PREX2: variants seen among roughly 807,000 people sequenced by gnomAD.
PREX2 encodes the protein phosphatidylinositol 3,4,5-trisphosphate-dependent Rac exchanger 2 protein.
A neutral mutation model predicts 203.2 loss-of-function variants in PREX2; 107 were observed. The observed-to-expected ratio is 0.53, with a 90% confidence interval of 0.45 to 0.62. The LOEUF (loss-of-function observed/expected upper bound fraction) is 0.62, where lower values mean the gene tolerates loss of function less well. Ranked by LOEUF, PREX2 falls within the 20% of genes least tolerant of loss-of-function variation. The pLI is 0.00. For synonymous variants in PREX2, 672 were observed against 663.6 expected (o/e 1.01, Z -0.19); for missense variants, 1,777 against 1,955.9 (o/e 0.91, Z 1.72).
intron 35 of PREX2, among the ~76,000 whole-genome samples, chr8:68,159,533 C>T (rs1811611805): frequency 1.3e-5 from 2 of 152,182 alleles, no homozygotes; most frequent in South Asian, 4.1e-4. Flanking sequence ...GAACTCTGCT[C>T]TTCTTGAGAT....
chr8:67,976,658 CGGG>C (rs1428669913), intron 1 of PREX2, among the ~76,000 whole-genome samples: 6,747 of 44,856 alleles, frequency 0.15, 925 homozygotes, highest in East Asian at 0.39. Flanking sequence ...GAGAGAGAGA[CGGG>C]AGAGAGACAG....
At chr8:68,176,976 A>G (rs1811992633) in intron 35 of PREX2, 1 of 152,442 alleles carries the variant, frequency 6.6e-6, no homozygotes, top group Non-Finnish European at 1.5e-5. Context: ...TAAAAAAAAA[A>G]AAACTATCCA....
chr8:68,176,441 A>G (rs1249973584), intron 35 of PREX2, among the ~76,000 whole-genome samples: 2 of 152,194 alleles, frequency 1.3e-5, no homozygotes, highest in African/African-American at 4.8e-5. Flanking sequence ...AATTTGCTGC[A>G]TTAATATACT....
intron 26 of PREX2, among the ~76,000 whole-genome samples, chr8:68,116,378 C>G (rs1810659852): frequency 6.6e-6 from 1 of 152,110 alleles, no homozygotes; most frequent in African/African-American, 2.4e-5. Flanking sequence ...TCCTTGCCTA[C>G]CTCGGAGACA....
At chr8:68,010,314 CT>C (rs897686031) in intron 1 of PREX2, among the ~76,000 whole-genome samples, 1 of 152,128 alleles carries the variant, frequency 6.6e-6, no homozygotes, top group African/African-American at 2.4e-5. Context: ...AATTATAATA[CT>C]TGTTCTGATA....
At chr8:68,096,873 C>T in intron 21 of PREX2, 144 bp from the exon 22 acceptor site, 1 of 674,566 alleles carries the variant, frequency 1.5e-6, no homozygotes, top group Admixed American at 2.9e-5. Context: ...AAAATGTTAA[C>T]AAGAATAGAT....
At chr8:68,099,246 C>G (rs1810186558) in intron 22 of PREX2, among the ~76,000 whole-genome samples, 1 of 151,920 alleles carries the variant, frequency 6.6e-6, no homozygotes, top group Non-Finnish European at 1.5e-5. Flanking sequence ...TTGCCAGACT[C>G]TAAGAAACAA....
intron 37 of PREX2, among the ~76,000 whole-genome samples, chr8:68,209,565 T>G (rs1217267422): frequency 6.6e-6 from 1 of 152,174 alleles, no homozygotes; most frequent in Non-Finnish European, 1.5e-5. Context: ...AATTGAATCC[T>G]TCTTGTTTCC....
At position 68,075,579 on chromosome 8, in the gene PREX2, A is replaced by G. The variant is rs1809324526; in HGVS notation, c.1570-1818A>G. Among the ~76,000 whole-genome samples, 5 of 152,186 alleles carry G rather than the reference A, an allele frequency of 3.3e-5. No homozygotes were observed. The South Asian group carries it at 1.0e-3, about 32-fold the overall frequency. ...ATTGGGAATATGGATTAAATTGGTT[A>G]TTGGTAAAGTACTTACCTTTTAATG... On this transcript the variant is annotated intron_variant, in intron 14 of 39. Coordinates refer to ENST00000288368, the MANE Select transcript of PREX2 (RefSeq NM_024870.4).
At chr8:68,207,553 A>G (rs748800276) in intron 37 of PREX2, among the ~76,000 whole-genome samples, 4 of 151,562 alleles carry the variant, frequency 2.6e-5, no homozygotes, top group Non-Finnish European at 5.9e-5. Flanking sequence ...CAATATAGAC[A>G]CCAGTACAGC....
At chr8:68,070,603 A>T (rs1809166859) in intron 13 of PREX2, among the ~76,000 whole-genome samples, 1 of 152,144 alleles carries the variant, frequency 6.6e-6, no homozygotes. Context: ...AAATGGTCAG[A>T]TATTATTTGG....
At chr8:68,018,096 G>C (rs1405104892) in intron 2 of PREX2, among the ~76,000 whole-genome samples, 179 bp downstream of exon 2, 2 of 152,044 alleles carry the variant, frequency 1.3e-5, no homozygotes, top group East Asian at 3.9e-4. Context: ...AAAAGAGATG[G>C]AAGATTAAGA....
At chr8:68,221,904 A>G (rs967144502) in intron 38 of PREX2, among the ~76,000 whole-genome samples, 1 of 152,230 alleles carries the variant, frequency 6.6e-6, no homozygotes, top group Non-Finnish European at 1.5e-5. Flanking sequence ...TGGGAATTCT[A>G]AAACTAATTT....
At chr8:68,230,560 T>C (rs933675677) in intron 39 of PREX2, among the ~76,000 whole-genome samples, 2 of 152,148 alleles carry the variant, frequency 1.3e-5, no homozygotes, top group African/African-American at 4.8e-5. Flanking sequence ...TTTACTTTGG[T>C]TCTGCTGTTA....
At chr8:68,198,397 C>A (rs1451472658) in intron 37 of PREX2, among the ~76,000 whole-genome samples, 1 of 152,158 alleles carries the variant, frequency 6.6e-6, no homozygotes, top group Non-Finnish European at 1.5e-5. Flanking sequence ...TGAGTCAGCA[C>A]TGTGGCTTTT....
rs777063924 is a variant in PREX2 at position 68,121,005 on chromosome 8, G to A, written c.3680G>A (p.Ser1227Asn). ...HIKQDPWNLP[S>N]SVRTLAQNIR... ...AAGCAAGATCCTTGGAATCTTCCCA[G>A]CAGCGTCCGGACTCTTGCTCAGAAC... Residue 1227 changes from serine (S) to asparagine (N), a missense_variant, in exon 30 of 40, where the codon AGC (serine) becomes AAC (asparagine). Transcript: ENST00000288368. 6.2e-7 allele frequency: 1 copy of A among 1,613,784 alleles called. No homozygotes were observed. Among genetic ancestry groups the A allele is most frequent in the Non-Finnish European group, 8.5e-7 (1 of 1,179,770 alleles).
intron 19 of PREX2, among the ~76,000 whole-genome samples, chr8:68,089,798 G>A (rs1172399518): frequency 1.3e-5 from 2 of 152,134 alleles, no homozygotes; most frequent in African/African-American, 4.8e-5. Context: ...ATATTTACAA[G>A]TTTATAATCA....
At chr8:68,177,871 C>T (rs1377477687) in intron 35 of PREX2, among the ~76,000 whole-genome samples, 4 of 152,114 alleles carry the variant, frequency 2.6e-5, no homozygotes, top group African/African-American at 7.2e-5. Flanking sequence ...CTTCCACTTA[C>T]AAGTGAGAAC....
intron 1 of PREX2, among the ~76,000 whole-genome samples, chr8:68,008,553 G>C (rs1345664081): frequency 6.6e-6 from 1 of 152,014 alleles, no homozygotes; most frequent in Non-Finnish European, 1.5e-5. Flanking sequence ...TTAAAGAAAA[G>C]GTAAAGTAAG....
Sources: gnomAD v4.1 joint callset for allele counts (sites outside exome capture counted in the v4.1 genomes callset) on GRCh38, gnomAD v4.1.1 for gene constraint, MANE v1.5 for transcripts, NCBI Gene and HGNC (gene_info 2026-07-23, HGNC 2026-07-21) for gene names.